The following GLIS3 variants were observed in gnomAD, a reference collection of about 807,000 sequenced individuals.
GLIS3 encodes the protein GLIS family zinc finger 3, also known as zinc finger protein GLIS3.
A neutral mutation model predicts 78.6 loss-of-function variants in GLIS3; 53 were observed. The ratio of observed to expected loss-of-function variants is 0.67; its 90% CI spans 0.54 to 0.85. GLIS3 has a LOEUF of 0.85. GLIS3 is among the 40% of genes least tolerant of loss of function. GLIS3 has a pLI of 0.00. For synonymous variants in GLIS3, 684 were observed against 509.9 expected, an observed-to-expected ratio of 1.34 and a Z score of -4.60; for missense variants, 1,703 against 1,231.1, an observed-to-expected ratio of 1.38 and a Z score of -5.74.
chr9:4,359,689 T>C, the GLIS3 span, among the ~76,000 whole-genome samples: 39,191 of 152,098 alleles, frequency 0.26, 5,730 homozygotes, highest in East Asian at 0.38. Flanking sequence ...AATGGTAACA[T>C]TGCCTGCATT....
intron 6 of GLIS3, among the ~76,000 whole-genome samples, chr9:3,917,030 G>C (rs1588220408): frequency 6.6e-6 from 1 of 152,166 alleles, no homozygotes; most frequent in African/African-American, 2.4e-5. Flanking sequence ...TTACAAACCA[G>C]TGTTTGTAGG....
At chr9:4,047,574 A>AT (rs1412790423) in intron 4 of GLIS3, among the ~76,000 whole-genome samples, 1 of 152,188 alleles carries the variant, frequency 6.6e-6, no homozygotes, top group East Asian at 1.9e-4. Flanking sequence ...AGCTTCACAA[A>AT]TAATAAAGTA....
chr9:3,898,301 C>T, intron 7 of GLIS3: 1 of 290,092 alleles, frequency 3.4e-6, no homozygotes, highest in South Asian at 3.6e-5. Context: ...CCTGGGGCTT[C>T]CTTTTAAAAC....
chr9:4,351,944 G>C (rs1817977222), upstream of GLIS3, among the ~76,000 whole-genome samples: 1 of 152,076 alleles, frequency 6.6e-6, no homozygotes, highest in African/African-American at 2.4e-5. Flanking sequence ...GTTACATTTT[G>C]GATCTAAAGA....
Position 3,836,726 on chromosome 9 carries a change from G to A in GLIS3, c.2474-7234C>T, listed in dbSNP as rs149116969. The stretch of plus-strand genomic sequence containing the variant: ...GGTATCCCCTAAGACCCAGCAAGAC[G>A]AGAGCCATATGCTGACAGCCACACC... On this transcript the variant is annotated intron_variant, in intron 9 of 10. Transcript: ENST00000381971. Among the ~76,000 whole-genome samples, 588 of 152,274 alleles carry A rather than the reference G, an allele frequency of 3.9e-3. 4 individuals carry two copies. Among genetic ancestry groups the A allele is most frequent in the African/African-American group, 0.013 (527 of 41,564 alleles).
chr9:4,379,932 AG>A, the GLIS3 span, among the ~76,000 whole-genome samples: 1 of 151,980 alleles, frequency 6.6e-6, no homozygotes, highest in African/African-American at 2.4e-5. Flanking sequence ...CCAAAAAAAA[AG>A]GAGGTCTGTC....
At chr9:4,077,816 C>A (rs975864940) in intron 4 of GLIS3, among the ~76,000 whole-genome samples, 5 of 152,194 alleles carry the variant, frequency 3.3e-5, no homozygotes, top group African/African-American at 1.2e-4. Flanking sequence ...TTTGCCAACA[C>A]TCCCAGAACC....
At chr9:4,344,199 T>A (rs1230609790) in intron 2 of GLIS3, among the ~76,000 whole-genome samples, 1 of 152,000 alleles carries the variant, frequency 6.6e-6, no homozygotes, top group African/African-American at 2.4e-5. Context: ...CCCGATAAAA[T>A]TCATATTCAC....
chr9:4,067,015 C>T (rs1457246664), intron 4 of GLIS3, among the ~76,000 whole-genome samples: 1 of 152,178 alleles, frequency 6.6e-6, no homozygotes, highest in Non-Finnish European at 1.5e-5. Context: ...AGACCCTCCC[C>T]AATGGGATCT....
rs1034991744 is a variant in GLIS3 at position 4,218,440 on chromosome 9, G to A, written c.388+67598C>T. On this transcript the variant is annotated intron_variant, in intron 2 of 10. Transcript: ENST00000381971. ...ACTACAGGCACCCGCCACCACACTCGACTAATTTTTTGTATTTTTAGTAAA... is the reference window on the plus strand; with the variant it reads ...ACTACAGGCACCCGCCACCACACTCAACTAATTTTTTGTATTTTTAGTAAA... 5.9e-5 allele frequency among the ~76,000 whole-genome samples: 9 copies of A among 152,064 alleles called. No individual in the cohort carries two copies. In the South Asian group the frequency reaches 1.2e-3, roughly 21 times the overall value.
chr9:4,244,743 T>G (rs1302575948), intron 2 of GLIS3, among the ~76,000 whole-genome samples: 1 of 151,982 alleles, frequency 6.6e-6, no homozygotes, highest in Non-Finnish European at 1.5e-5. Context: ...CCCAGCTAAT[T>G]TTTGTATTTT....
the GLIS3 span, among the ~76,000 whole-genome samples, chr9:4,488,866 T>C: frequency 2.6e-5 from 4 of 152,038 alleles, no homozygotes; most frequent in East Asian, 7.8e-4. Context: ...CCTTCCTTCT[T>C]TCTTTCTTTT....
chr9:4,304,770 C>T (rs1389863121), upstream of GLIS3, among the ~76,000 whole-genome samples: 1 of 152,170 alleles, frequency 6.6e-6, no homozygotes, highest in Non-Finnish European at 1.5e-5. Flanking sequence ...CCCAACTCAC[C>T]TCAAGTCTTA....
intron 4 of GLIS3, among the ~76,000 whole-genome samples, chr9:3,962,963 G>A: frequency 6.8e-6 from 1 of 146,996 alleles, no homozygotes; most frequent in Admixed American, 6.8e-5. Context: ...GGGGGGGAGA[G>A]AGATTTATTG....
chr9:4,377,885 A>C, the GLIS3 span, among the ~76,000 whole-genome samples: 1 of 152,156 alleles, frequency 6.6e-6, no homozygotes, highest in African/African-American at 2.4e-5. Flanking sequence ...TAGTTGTAAA[A>C]AACATGCTCT....
At chr9:4,406,743 C>G in the GLIS3 span, among the ~76,000 whole-genome samples, 12 of 152,002 alleles carry the variant, frequency 7.9e-5, no homozygotes, top group African/African-American at 2.4e-4. Flanking sequence ...TAACCAAATA[C>G]GTGAAAGATC....
At chr9:4,290,605 A>C (rs1815866437) in intron 1 of GLIS3, among the ~76,000 whole-genome samples, 1 of 152,154 alleles carries the variant, frequency 6.6e-6, no homozygotes, top group Non-Finnish European at 1.5e-5. Flanking sequence ...TTCGCAATTC[A>C]ATCAAGGACA....
the GLIS3 span, among the ~76,000 whole-genome samples, chr9:4,429,986 C>T: frequency 6.6e-6 from 1 of 151,962 alleles, no homozygotes; most frequent in African/African-American, 2.4e-5. Context: ...ATCTAAGATG[C>T]CAATCCAGGT....
intron 2 of GLIS3, among the ~76,000 whole-genome samples, chr9:4,153,946 T>A (rs1191030012): frequency 1.3e-5 from 2 of 152,202 alleles, no homozygotes; most frequent in Non-Finnish European, 2.9e-5. Context: ...ACATGTCACC[T>A]AGGACAGCAG....
Sources: gnomAD v4.1 joint callset for allele counts (sites outside exome capture counted in the v4.1 genomes callset) on GRCh38, gnomAD v4.1.1 for gene constraint, MANE v1.5 for transcripts, NCBI Gene and HGNC (gene_info 2026-07-23, HGNC 2026-07-21) for gene names.